DNAH9: variants seen among roughly 807,000 people sequenced by gnomAD.
The protein encoded by DNAH9 is dynein axonemal heavy chain 9.
In DNAH9, 345 loss-of-function variants were observed where a neutral mutation model predicts 471.6. The observed-to-expected ratio is 0.73, with a 90% CI of 0.67 to 0.80. The LOEUF is 0.80. Among genes scored for constraint, DNAH9 ranks in the 30% least tolerant of loss-of-function variants. The pLI is 0.00. For missense variants in DNAH9, 5,407 were observed against 5,609.2 expected, an observed-to-expected ratio of 0.96 and a Z score of 1.15; for synonymous variants, 2,093 against 2,123.6, an observed-to-expected ratio of 0.99 and a Z score of 0.40.
intron 50 of DNAH9, among the ~76,000 whole-genome samples, chr17:11,859,153 C>T (rs1160777290): frequency 6.6e-6 from 1 of 150,698 alleles, no homozygotes; most frequent in Non-Finnish European, 1.5e-5. Context: ...TGGCTCACAC[C>T]TGTAATCCCA....
intron 55 of DNAH9, among the ~76,000 whole-genome samples, chr17:11,881,747 AAAAT>A (rs1450068880): frequency 4.6e-5 from 7 of 152,092 alleles, no homozygotes; most frequent in African/African-American, 1.7e-4. Flanking sequence ...TCTCTACTAA[AAAAT>A]AAATATTAAA....
intron 67 of DNAH9, among the ~76,000 whole-genome samples, chr17:11,946,620 C>T (rs1381656484): frequency 6.9e-6 from 1 of 144,816 alleles, no homozygotes; most frequent in Non-Finnish European, 1.5e-5. Context: ...GCCAAGATGC[C>T]ACCACTGCAC....
Position 11,932,718 on chromosome 17 carries a change from A to T in DNAH9, c.12297+513A>T, listed in dbSNP as rs79284830. 1.3e-5 allele frequency among the ~76,000 whole-genome samples: 2 copies of T among 152,302 alleles called. No individual in the cohort carries two copies. Among genetic ancestry groups the T allele is most frequent in the East Asian group, 1.9e-4 (1 of 5,168 alleles). The stretch of plus-strand genomic sequence containing the variant: ...ATAGTACAACTGTGAGGTGAGAGCC[A>T]TGGACGCTCAGGAAGTCTAACTAGA... On this transcript the variant is annotated intron_variant, in intron 64 of 68. Coordinates refer to ENST00000262442, the MANE Select transcript of DNAH9 (RefSeq NM_001372.4). The surrounding 1 kb of genome is among the most constrained non-coding windows in gnomAD (Gnocchi z 4.3).
chr17:11,715,075 A>G lies in DNAH9; in HGVS notation c.5553-4259A>G, dbSNP rs372620893. On this transcript the variant is annotated intron_variant, in intron 26 of 68. Transcript: ENST00000262442. ...TGTTACACAGCAATAGAAAATTAAT[A>G]CAAGCCAACTATGACTCCACCTACT... Among the ~76,000 whole-genome samples the G allele has an allele frequency of 7.2e-5, 11 of 152,214 alleles. No individual in the cohort carries two copies. In the East Asian group the frequency reaches 1.3e-3, roughly 19 times the overall value.
chr17:11,845,148 C>T (rs1048635626), intron 49 of DNAH9, among the ~76,000 whole-genome samples: 6 of 140,998 alleles, frequency 4.3e-5, no homozygotes, highest in Non-Finnish European at 9.2e-5. Context: ...AATGCTATTC[C>T]TCCCCCCTCC....
At position 11,902,740 on chromosome 17, in the gene DNAH9, T is replaced by C; in HGVS notation, c.11428T>C (p.Phe3810Leu). 1 of 1,608,658 alleles carries C rather than the reference T, an allele frequency of 6.2e-7. No individual in the cohort carries two copies. The highest frequency in any genetic ancestry group is 8.5e-7 in the Non-Finnish European group (1 of 1,178,310). Residue 3810 changes from phenylalanine (F) to leucine (L), a missense_variant, in exon 60 of 69, where the codon TTC becomes CTC. By Grantham distance (22) the Phe-to-Leu change is conservative. Around this residue, in one of 3 missense-constraint regions of DNAH9, gnomAD observed 4,636 missense variants for 4,900.3 expected, o/e 0.95. Transcript: ENST00000262442. The part of the protein sequence containing the change: ...AVKVLSSMEE[F>L]SNLDRDIEGS... ...CCAGGTACTTTCATCAATGGAAGAA[T>C]TCTCTAATCTGGATCGGGACATAGA...
intron 13 of DNAH9, 102 bp from the exon 14 acceptor site, chr17:11,652,659 A>T (rs1190854025): frequency 2.7e-6 from 3 of 1,120,626 alleles, no homozygotes; most frequent in East Asian, 4.7e-5. Flanking sequence ...GAAAAGTCTT[A>T]TAACACTCGC....
At chr17:11,727,975 G>A (rs1354756247) in intron 28 of DNAH9, 53 bp downstream of exon 28, 1 of 1,140,164 alleles carries the variant, frequency 8.8e-7, no homozygotes, top group Non-Finnish European at 1.3e-6. Flanking sequence ...GATTACTGCG[G>A]AAGTCTATGT....
At chr17:11,676,248 T>C (rs1383217462) in intron 17 of DNAH9, among the ~76,000 whole-genome samples, 2 of 151,478 alleles carry the variant, frequency 1.3e-5, no homozygotes, top group African/African-American at 4.8e-5. Context: ...GCAAAGCCTA[T>C]GGTGTCTCCC....
chr17:11,619,463 G>A, intron 5 of DNAH9, 85 bp from the exon 6 acceptor site: 1 of 764,412 alleles, frequency 1.3e-6, no homozygotes, highest in Non-Finnish European at 2.3e-6. Context: ...AATATTACTG[G>A]GGCAATGATT....
chr17:11,794,245 T>TGTTTCACCGAGG (rs1336209851), intron 42 of DNAH9, among the ~76,000 whole-genome samples: 11 of 151,854 alleles, frequency 7.2e-5, no homozygotes, highest in Non-Finnish European at 1.2e-4. Flanking sequence ...GGAGTTTCAC[T>TGTTTCACCGAGG]GTTTCACCGA....
At chr17:11,603,065 C>T (rs970589488) in intron 1 of DNAH9, among the ~76,000 whole-genome samples, 2 of 152,202 alleles carry the variant, frequency 1.3e-5, no homozygotes, top group African/African-American at 4.8e-5. Context: ...CTCACTATGT[C>T]ATACTCAGTT....
In DNAH9 at chr17:11,854,405, G is replaced by A. The variant is rs1971547458; in HGVS notation, c.9910G>A (p.Ala3304Thr). ...CCTCACAGCTGCCCAGGAGAAGCTGGCTGCCATCAAAGCCAAGATCGCTGT... is the reference window on the plus strand; with the variant it reads ...CCTCACAGCTGCCCAGGAGAAGCTGACTGCCATCAAAGCCAAGATCGCTGT... The part of the protein sequence containing the change: ...ADLTAAQEKL[A>T]AIKAKIAHLN... The change falls in exon 50 of 69, where the codon GCT becomes ACT. Residue 3304 changes from alanine to threonine, a missense_variant. By Grantham distance (58) the Ala-to-Thr change is moderately conservative. Transcript: ENST00000262442. 1 of 1,612,936 alleles carries A rather than the reference G, an allele frequency of 6.2e-7. No individual in the cohort carries two copies. The highest frequency in any genetic ancestry group is 8.5e-7 in the Non-Finnish European group (1 of 1,179,278).
intron 38 of DNAH9, among the ~76,000 whole-genome samples, chr17:11,770,604 C>T (rs1005259315): frequency 1.3e-5 from 2 of 152,120 alleles, no homozygotes; most frequent in African/African-American, 4.8e-5. Context: ...TGAGCCAATC[C>T]CAATCCAGCA....
At chr17:11,957,232 A>G (rs897846503) in intron 67 of DNAH9, among the ~76,000 whole-genome samples, 4 of 152,170 alleles carry the variant, frequency 2.6e-5, no homozygotes, top group Admixed American at 6.5e-5. Context: ...TAAATAGCCC[A>G]TATGTGTTTA....
chr17:11,699,961 T>C, intron 23 of DNAH9, 78 bp downstream of exon 23: 2 of 1,454,514 alleles, frequency 1.4e-6, no homozygotes, highest in Non-Finnish European at 1.9e-6. Flanking sequence ...GCATCAACTC[T>C]AGGAGGGCCT....
At chr17:11,833,358 CTATT>C (rs1389070577) in intron 48 of DNAH9, among the ~76,000 whole-genome samples, 9 of 152,292 alleles carry the variant, frequency 5.9e-5, no homozygotes, top group African/African-American at 2.2e-4. Flanking sequence ...CAATCAAAGG[CTATT>C]TATTCAGAGC....
At chr17:11,918,205 TTTTTG>T (rs200370741) in intron 61 of DNAH9, among the ~76,000 whole-genome samples, 7,082 of 147,762 alleles carry the variant, frequency 0.048, 196 homozygotes, top group Non-Finnish European at 0.059. Context: ...GTTGGGTGTT[TTTTTG>T]TTTTGTTTTG....
chr17:11,900,100 G>GA (rs10627147), intron 59 of DNAH9, among the ~76,000 whole-genome samples: 16,404 of 148,606 alleles, frequency 0.11, 1,056 homozygotes, highest in East Asian at 0.2. Flanking sequence ...TTTTCCAAAT[G>GA]AAAAAAAAAA....
Sources: allele counts gnomAD v4.1 joint callset (sites outside exome capture counted in the v4.1 genomes callset), GRCh38; gene constraint gnomAD v4.1.1; regional missense constraint gnomAD v4.1.1; non-coding constraint Gnocchi (gnomAD v3.1); transcripts MANE v1.5; gene names NCBI Gene and HGNC (gene_info 2026-07-23, HGNC 2026-07-21).